Variants in EHBP1 observed in about 807,000 individuals in gnomAD.
EHBP1 encodes the protein EH domain-binding protein 1.
EHBP1 carries 55 observed loss-of-function variants against 144.0 expected under a neutral mutation model. The observed-to-expected ratio is 0.38, with a 90% CI of 0.31 to 0.48. The LOEUF (loss-of-function observed/expected upper bound fraction) is 0.48. Among genes scored for constraint, EHBP1 ranks in the 20% least tolerant of loss-of-function variants. EHBP1 has a pLI of 0.98. For missense variants in EHBP1, 1,200 were observed against 1,364.2 expected (o/e 0.88, Z 1.90); for synonymous variants, 469 against 472.7 (o/e 0.99, Z 0.10).
At chr2:62,769,453 G>A (rs2041457967) in intron 4 of EHBP1, among the ~76,000 whole-genome samples, 1 of 152,094 alleles carries the variant, frequency 6.6e-6, no homozygotes. Flanking sequence ...GCTAACCAGG[G>A]AGGTGAAAGA....
Position 62,859,054 on chromosome 2 carries a change from A to C in EHBP1, c.635-115A>C, listed in dbSNP as rs537283177. Reference sequence around the variant, plus strand: ...CATTCTGTCATTGGTAAAATGCTATATACTATTATTTGCAGGTATTATTCG... The same window carrying C: ...CATTCTGTCATTGGTAAAATGCTATCTACTATTATTTGCAGGTATTATTCG... On this transcript the variant is annotated intron_variant, in intron 7 of 22. Transcript: ENST00000431489. 120 of 991,754 alleles carry C rather than the reference A, an allele frequency of 1.2e-4. No individual in the cohort carries two copies. The African/African-American group carries it at 1.7e-3, about 14-fold the overall frequency. 61.4% of individuals were successfully genotyped at this position (991,754 alleles called of 1,614,324 possible). A position where few individuals can be genotyped will look rare whatever the true frequency, so the allele number is the denominator to read the frequency against.
chr2:63,021,716 T>C (rs1293056317), intron 19 of EHBP1, among the ~76,000 whole-genome samples: 3 of 152,132 alleles, frequency 2.0e-5, no homozygotes, highest in African/African-American at 4.8e-5. Context: ...AGGTACTTTA[T>C]AGAAGGGTGC....
At chr2:62,710,585 A>G (rs1458268083) in intron 2 of EHBP1, among the ~76,000 whole-genome samples, 2 of 151,968 alleles carry the variant, frequency 1.3e-5, no homozygotes, top group Admixed American at 6.6e-5. Flanking sequence ...TAGAGGTACA[A>G]AAAGGTGAAG....
intron 1 of EHBP1, among the ~76,000 whole-genome samples, chr2:62,700,116 G>A (rs1282700056): frequency 6.6e-6 from 1 of 151,958 alleles, no homozygotes; most frequent in East Asian, 1.9e-4. Context: ...TTCTAATGCA[G>A]CTTTTCTAAG....
At chr2:62,885,410 TAAGAA>T (rs1001500536) in intron 10 of EHBP1, among the ~76,000 whole-genome samples, 70 of 152,150 alleles carry the variant, frequency 4.6e-4, no homozygotes, top group African/African-American at 1.7e-3. Flanking sequence ...AAAAACAGCT[TAAGAA>T]AAAAGATCAA....
At chr2:62,775,873 C>T (rs2042021388) in intron 5 of EHBP1, among the ~76,000 whole-genome samples, 1 of 152,148 alleles carries the variant, frequency 6.6e-6, no homozygotes, top group Non-Finnish European at 1.5e-5. Context: ...TCTCCAGGGC[C>T]TTTGCCCTTA....
intron 19 of EHBP1, among the ~76,000 whole-genome samples, chr2:63,006,191 T>C (rs1029237057): frequency 1.3e-5 from 2 of 152,022 alleles, no homozygotes; most frequent in African/African-American, 4.8e-5. Context: ...GAGTCAACAG[T>C]GCTTTGCACA....
At chr2:62,945,469 A>G (rs1479425245) in intron 12 of EHBP1, among the ~76,000 whole-genome samples, 5 of 152,230 alleles carry the variant, frequency 3.3e-5, no homozygotes, top group African/African-American at 1.2e-4. Flanking sequence ...TCAATTAACA[A>G]GTCTTTAAAT....
upstream of EHBP1, among the ~76,000 whole-genome samples, chr2:62,701,430 C>T (rs2151763005): frequency 6.6e-6 from 1 of 152,214 alleles, no homozygotes; most frequent in Non-Finnish European, 1.5e-5. Context: ...ATTCAATAGT[C>T]ACATGTGGTT....
chr2:63,019,564 G>A (rs900854876), intron 19 of EHBP1, among the ~76,000 whole-genome samples: 8 of 151,392 alleles, frequency 5.3e-5, no homozygotes, highest in East Asian at 2.0e-4. Context: ...AAAATTAGCC[G>A]GGTGTGGTGG....
intron 3 of EHBP1, among the ~76,000 whole-genome samples, chr2:62,752,594 T>C (rs965966590): frequency 2.0e-5 from 3 of 152,138 alleles, no homozygotes; most frequent in South Asian, 4.1e-4. Flanking sequence ...AAGTCTCCCA[T>C]TATTATTGTG....
At chr2:63,040,702 G>A (rs2061620859) in intron 21 of EHBP1, among the ~76,000 whole-genome samples, 1 of 152,174 alleles carries the variant, frequency 6.6e-6, no homozygotes, top group African/African-American at 2.4e-5. Flanking sequence ...GAGGGAAAAA[G>A]GAGACTTGAG....
chr2:62,945,722 C>A (rs1036664743), intron 12 of EHBP1, among the ~76,000 whole-genome samples: 2 of 152,102 alleles, frequency 1.3e-5, no homozygotes, highest in African/African-American at 4.8e-5. Flanking sequence ...TGCTTTCCAG[C>A]CTGGGTGACA....
intron 21 of EHBP1, 60 bp downstream of exon 21, chr2:63,038,876 GAATAT>G: frequency 6.7e-7 from 1 of 1,485,204 alleles, no homozygotes; most frequent in Non-Finnish European, 9.4e-7. Flanking sequence ...GAGATTTAAA[GAATAT>G]AATACACTTC....
chr2:62,993,272 A>C (rs1222885003), intron 16 of EHBP1, among the ~76,000 whole-genome samples: 1 of 152,172 alleles, frequency 6.6e-6, no homozygotes, highest in Non-Finnish European at 1.5e-5. Context: ...AGGAGGCAAC[A>C]TGGCTTTTAA....
chr2:62,943,104 T>A (rs1558953649), intron 11 of EHBP1, among the ~76,000 whole-genome samples: 1 of 152,158 alleles, frequency 6.6e-6, no homozygotes. Context: ...TGGCTGGGCG[T>A]GGCGGCTCAC....
At chr2:62,938,735 C>G (rs906273943) in intron 10 of EHBP1, among the ~76,000 whole-genome samples, 4 of 151,538 alleles carry the variant, frequency 2.6e-5, no homozygotes, top group Admixed American at 6.6e-5. Flanking sequence ...CCAAGCATTA[C>G]AAGTACCATA....
chr2:62,748,642 A>G (rs1680797495), intron 3 of EHBP1, among the ~76,000 whole-genome samples: 1 of 152,144 alleles, frequency 6.6e-6, no homozygotes, highest in Non-Finnish European at 1.5e-5. Flanking sequence ...CCTGGGTGAC[A>G]GAGTGAGACT....
At chr2:62,778,644 A>C (rs1486529055) in intron 5 of EHBP1, among the ~76,000 whole-genome samples, 1 of 152,116 alleles carries the variant, frequency 6.6e-6, no homozygotes, top group Non-Finnish European at 1.5e-5. Context: ...AACCAAACTC[A>C]CCTGACAAGA....
Sources: allele counts gnomAD v4.1 joint callset (sites outside exome capture counted in the v4.1 genomes callset), GRCh38; gene constraint gnomAD v4.1.1; transcripts MANE v1.5; gene names NCBI Gene and HGNC (gene_info 2026-07-23, HGNC 2026-07-21).